The following SHC4 variants were observed in gnomAD, a reference collection of about 807,000 sequenced individuals.
The protein encoded by SHC4 is SHC-transforming protein 4.
In SHC4, 41 loss-of-function variants were observed where a neutral mutation model predicts 69.4. That is an observed-to-expected ratio of 0.59 (90% confidence interval 0.46 to 0.77). SHC4 has a LOEUF of 0.77. Among genes scored for constraint, SHC4 ranks in the 30% least tolerant of loss-of-function variants. SHC4 has a pLI of 0.00. For synonymous variants in SHC4, 318 were observed against 299.3 expected, an observed-to-expected ratio of 1.06 and a Z score of -0.64; for missense variants, 777 against 783.8, an observed-to-expected ratio of 0.99 and a Z score of 0.10.
At chr15:48,864,598 C>T (rs1052484094) in intron 6 of SHC4, among the ~76,000 whole-genome samples, 11 of 151,744 alleles carry the variant, frequency 7.2e-5, no homozygotes, top group East Asian at 1.9e-4. Context: ...CAGGTGCCCA[C>T]CACCACACCC....
In SHC4 at chr15:48,929,171, C is replaced by T. The variant is rs531627496; in HGVS notation, c.586-4222G>A. ...CCGTGGTGAGGAAGCGGGGAGGGGG[C>T]GGTGCATAAAAATACTCTGTCCACT... On this transcript the variant is annotated intron_variant, in intron 1 of 11. Transcript: ENST00000332408. 8.6e-5 allele frequency among the ~76,000 whole-genome samples: 13 copies of T among 152,010 alleles called. No homozygotes were observed. The East Asian group carries it at 1.4e-3, about 16-fold the overall frequency.
chr15:48,837,965 A>G, intron 10 of SHC4, among the ~76,000 whole-genome samples: 1 of 152,230 alleles, frequency 6.6e-6, no homozygotes, highest in Non-Finnish European at 1.5e-5. Flanking sequence ...TAAAGATGGC[A>G]CACTGATGAA....
intron 6 of SHC4, among the ~76,000 whole-genome samples, chr15:48,866,735 G>T (rs937684882): frequency 5.3e-5 from 8 of 152,030 alleles, no homozygotes; most frequent in African/African-American, 1.9e-4. Context: ...TTTCCACCTC[G>T]GTGTCTTATA....
intron 2 of SHC4, among the ~76,000 whole-genome samples, chr15:48,920,905 A>T (rs1272106042): frequency 8.0e-6 from 1 of 124,374 alleles, no homozygotes; most frequent in African/African-American, 3.0e-5. Context: ...CAACATATCG[A>T]GACTCTTGTC....
At chr15:48,840,886 A>G (rs1898977177) in intron 10 of SHC4, among the ~76,000 whole-genome samples, 1 of 152,240 alleles carries the variant, frequency 6.6e-6, no homozygotes, top group Non-Finnish European at 1.5e-5. Flanking sequence ...AAATTATTAA[A>G]TATGTTGCCA....
chr15:48,846,872 G>A (rs547179255), intron 9 of SHC4, among the ~76,000 whole-genome samples: 3 of 152,020 alleles, frequency 2.0e-5, no homozygotes, highest in Admixed American at 6.6e-5. Context: ...CTCACAAAGC[G>A]TTAGCCTGAG....
chr15:48,916,681 C>A lies in SHC4; in HGVS notation c.656+8198G>T, dbSNP rs183747189. Among the ~76,000 whole-genome samples the A allele has an allele frequency of 3.3e-5, 5 of 152,042 alleles. No individual in the cohort carries two copies. In the East Asian group the frequency reaches 9.7e-4, roughly 29 times the overall value. On this transcript the variant is annotated intron_variant, in intron 2 of 11. Transcript: ENST00000332408. ...TGAATCCGAAGCCAGGACCTCAAAA[C>A]GGAGCACTCACCACCCATTCTTTAA...
intron 2 of SHC4, among the ~76,000 whole-genome samples, chr15:48,916,054 T>C (rs1472498583): frequency 2.0e-5 from 3 of 152,200 alleles, no homozygotes; most frequent in Non-Finnish European, 4.4e-5. Flanking sequence ...CACTTATCCA[T>C]GCATTGCCGT....
rs1193557573 is a variant in SHC4, at chr15:48,825,803, T to G, written c.*168A>C. ...TCTGATTTTCATTTCTGAAGACTAA[T>G]TTTTGTTAGTTCTTCATTTTATAGA... On this transcript the variant is annotated 3_prime_UTR_variant, in exon 12 of 12. Coordinates refer to ENST00000332408, the MANE Select transcript of SHC4 (RefSeq NM_203349.4). 2.7e-6 allele frequency: 2 copies of G among 751,750 alleles called. No homozygotes were observed. The highest frequency in any genetic ancestry group is 4.0e-6 in the Non-Finnish European group (2 of 494,338). The allele number at this position is 751,750 out of a possible 1,614,324, so 46.6% of individuals were successfully genotyped here.
chr15:48,920,011 G>GTTTGTTTT (rs1900716545), intron 2 of SHC4, among the ~76,000 whole-genome samples: 1 of 147,426 alleles, frequency 6.8e-6, no homozygotes, highest in Non-Finnish European at 1.5e-5. Flanking sequence ...AGTTCACGGA[G>GTTTGTTTT]TTTGTTTTTT....
At chr15:48,924,347 C>T (rs774100688) in intron 2 of SHC4, among the ~76,000 whole-genome samples, 38 of 152,184 alleles carry the variant, frequency 2.5e-4, no homozygotes, top group Non-Finnish European at 4.9e-4. Context: ...TTGAGCTCCA[C>T]GTAACAGGGA....
chr15:48,893,024 T>G (rs1301750904), intron 2 of SHC4, among the ~76,000 whole-genome samples: 1 of 152,244 alleles, frequency 6.6e-6, no homozygotes, highest in East Asian at 1.9e-4. Context: ...TACTTTTATA[T>G]AGCATCTTGT....
intron 9 of SHC4, among the ~76,000 whole-genome samples, chr15:48,846,919 C>A (rs550781266): frequency 6.6e-6 from 1 of 151,968 alleles, no homozygotes; most frequent in African/African-American, 2.4e-5. Flanking sequence ...TAGGATGACA[C>A]CAAAAACATC....
intron 11 of SHC4, among the ~76,000 whole-genome samples, chr15:48,830,132 C>T (rs764125420): frequency 5.3e-5 from 8 of 152,024 alleles, no homozygotes; most frequent in Non-Finnish European, 8.8e-5. Context: ...TTCTTGCTGT[C>T]TTCCTTTGTG....
At chr15:48,855,870 A>G (rs1899302603) in intron 8 of SHC4, 83 bp downstream of exon 8, 1 of 1,418,592 alleles carries the variant, frequency 7.0e-7, no homozygotes, top group African/African-American at 1.4e-5. Context: ...CTAAACTAGC[A>G]TTTGGAAATC....
chr15:48,891,947 C>T (rs1056248782), intron 2 of SHC4, among the ~76,000 whole-genome samples: 2 of 152,238 alleles, frequency 1.3e-5, no homozygotes, highest in East Asian at 3.9e-4. Context: ...CTCCGCTTCC[C>T]GGGTTCATGC....
At chr15:48,854,417 A>G (rs1451498672) in intron 8 of SHC4, among the ~76,000 whole-genome samples, 1 of 152,254 alleles carries the variant, frequency 6.6e-6, no homozygotes, top group African/African-American at 2.4e-5. Flanking sequence ...GAGTTCTCAA[A>G]GAACTTAAAA....
chr15:48,872,038 T>C, intron 5 of SHC4, 51 bp downstream of exon 5: 1 of 1,144,920 alleles, frequency 8.7e-7, no homozygotes, highest in Non-Finnish European at 1.3e-6. Flanking sequence ...GCCCCAAATG[T>C]CAAGAAGTTA....
rs554318033 is a variant in SHC4 at position 48,872,995 on chromosome 15, A to C, written c.841-853T>G. Among the ~76,000 whole-genome samples, 9 of 152,366 alleles carry C rather than the reference A, an allele frequency of 5.9e-5. No homozygotes were observed. The South Asian group carries it at 1.9e-3, about 32-fold the overall frequency. On this transcript the variant is annotated intron_variant, in intron 4 of 11. Coordinates refer to ENST00000332408, the MANE Select transcript of SHC4 (RefSeq NM_203349.4). ...ATTATATAAGATGACCAGCAATTTT[A>C]TTCCTAGACGTATATCCAACACAAT...
Sources: gnomAD v4.1 joint callset for allele counts (sites outside exome capture counted in the v4.1 genomes callset) on GRCh38, gnomAD v4.1.1 for gene constraint, MANE v1.5 for transcripts, NCBI Gene and HGNC (gene_info 2026-07-23, HGNC 2026-07-21) for gene names.